The following PCBP3 variants were observed in gnomAD, a reference collection of about 807,000 sequenced individuals.
PCBP3 encodes poly(rC) binding protein 3, also known as poly(rC)-binding protein 3.
PCBP3 carries 25 observed loss-of-function variants against 52.7 expected under a neutral mutation model. That is an observed-to-expected ratio of 0.47 (90% confidence interval 0.35 to 0.66). The LOEUF (loss-of-function observed/expected upper bound fraction) is 0.66, where lower values mean the gene tolerates loss of function less well. Ranked by LOEUF, PCBP3 falls within the 30% of genes least tolerant of loss-of-function variation. PCBP3 has a pLI of 0.01. For synonymous variants in PCBP3, 162 were observed against 183.0 expected, an observed-to-expected ratio of 0.89 and a Z score of 0.93; for missense variants, 391 against 490.3, an observed-to-expected ratio of 0.80 and a Z score of 1.91.
chr21:45,658,054 C>A (rs903883527), intron 1 of PCBP3, among the ~76,000 whole-genome samples: 1 of 152,110 alleles, frequency 6.6e-6, no homozygotes, highest in Non-Finnish European at 1.5e-5. Context: ...TTTATAGATG[C>A]CCTTAATTAG....
rs538007963 is a variant in PCBP3 at position 45,806,791 on chromosome 21, C to T, written c.-125-43170C>T. 6.6e-4 allele frequency among the ~76,000 whole-genome samples: 101 copies of T among 152,204 alleles called. No individual in the cohort carries two copies. In the Middle Eastern group the frequency reaches 0.01, roughly 15 times the overall value. ...GGAGCAGCCTGCATTCAGAATTCCA[C>T]TTCTGGTCCCCTCACCCAGAGCACT... On this transcript the variant is annotated intron_variant, in intron 4 of 17. Coordinates refer to ENST00000681687, the MANE Select transcript of PCBP3 (RefSeq NM_001384156.1).
chr21:45,856,589 G>GCC (rs199704582), intron 5 of PCBP3, among the ~76,000 whole-genome samples: 3 of 151,492 alleles, frequency 2.0e-5, no homozygotes, highest in African/African-American at 7.3e-5. Context: ...TGTGTGGCAC[G>GCC]CCCCCCCCAC....
chr21:45,937,814 G>A (rs1288078822), intron 16 of PCBP3, among the ~76,000 whole-genome samples: 7 of 152,174 alleles, frequency 4.6e-5, no homozygotes, highest in East Asian at 1.9e-4. Flanking sequence ...AAGGAGGTCC[G>A]ACCTCCCCAC....
chr21:45,714,235 A>T (rs931354948), intron 2 of PCBP3, among the ~76,000 whole-genome samples: 10 of 152,120 alleles, frequency 6.6e-5, no homozygotes, highest in African/African-American at 2.4e-4. Flanking sequence ...TCAACTCCAG[A>T]CTAATTTGTC....
At chr21:45,933,065 A>C (rs1157900273) in intron 15 of PCBP3, among the ~76,000 whole-genome samples, 1 of 152,054 alleles carries the variant, frequency 6.6e-6, no homozygotes, top group Non-Finnish European at 1.5e-5. Flanking sequence ...ATGAATGAAC[A>C]CATCGGCCAC....
At chr21:45,668,723 CA>C (rs1337939124) in intron 1 of PCBP3, among the ~76,000 whole-genome samples, 150 bp from the exon 2 acceptor site, 2 of 152,026 alleles carry the variant, frequency 1.3e-5, no homozygotes, top group African/African-American at 2.4e-5. Flanking sequence ...TTGATTTGGC[CA>C]ATTTTTGGCA....
At chr21:45,742,160 T>G (rs571982502) in intron 3 of PCBP3, among the ~76,000 whole-genome samples, 6 of 152,344 alleles carry the variant, frequency 3.9e-5, no homozygotes, top group Admixed American at 6.5e-5. Flanking sequence ...AACACCCTTG[T>G]GCATAAATCC....
In PCBP3 at chr21:45,849,989, C is replaced by A; in HGVS notation, c.-97C>A. On this transcript the variant is annotated 5_prime_UTR_variant, in exon 5 of 18. Transcript: ENST00000681687. ...GGTAGGCTCCACGACAAAAGTCAAC[C>A]CTTCTGTAAATCACCTGCTGTGGTT... is the stretch of plus-strand genomic sequence containing the variant. 1 of 1,188,566 alleles carries A rather than the reference C, an allele frequency of 8.4e-7. No homozygotes were observed. Among genetic ancestry groups the A allele is most frequent in the Non-Finnish European group, 1.2e-6 (1 of 815,888 alleles). The allele number at this position is 1,188,566 out of a possible 1,614,324, so 73.6% of individuals were successfully genotyped here.
intron 9 of PCBP3, among the ~76,000 whole-genome samples, chr21:45,902,718 T>G (rs1362548215): frequency 6.6e-6 from 1 of 152,200 alleles, no homozygotes; most frequent in Non-Finnish European, 1.5e-5. Flanking sequence ...AGCCGCTCCT[T>G]AGGGTGCTGG....
chr21:45,673,958 G>C (rs1410774868), intron 2 of PCBP3, among the ~76,000 whole-genome samples: 6 of 152,174 alleles, frequency 3.9e-5, no homozygotes, highest in African/African-American at 1.4e-4. Flanking sequence ...TGGTGACACA[G>C]AGAGTCCAAT....
intron 5 of PCBP3, among the ~76,000 whole-genome samples, chr21:45,877,279 G>C (rs935721627): frequency 7.2e-5 from 11 of 152,340 alleles, no homozygotes; most frequent in African/African-American, 2.2e-4. Flanking sequence ...GTAAAACGGA[G>C]GAAGAGCTCG....
intron 3 of PCBP3, among the ~76,000 whole-genome samples, chr21:45,746,852 G>T (rs9975208): frequency 2.2e-4 from 8 of 36,558 alleles, no homozygotes; most frequent in Admixed American, 2.7e-4. Flanking sequence ...CTGACGTAGC[G>T]CACACGGTGT....
In PCBP3 at chr21:45,795,821, G is replaced by C. The variant is rs73378582; in HGVS notation, c.-126+40369G>C. Among the ~76,000 whole-genome samples, 741 of 152,302 alleles carry C rather than the reference G, an allele frequency of 4.9e-3. 7 individuals are homozygous for C. The highest frequency in any genetic ancestry group is 0.016 in the African/African-American group (680 of 41,566). ...AATCAATAAAATACTTAAACTGTTA[G>C]CCACTTCGATCAAGAAAGAGAAGGT... On this transcript the variant is annotated intron_variant, in intron 4 of 17. Coordinates refer to ENST00000681687, the MANE Select transcript of PCBP3 (RefSeq NM_001384156.1).
chr21:45,687,464 G>A (rs776247924), intron 2 of PCBP3, among the ~76,000 whole-genome samples: 22 of 151,698 alleles, frequency 1.5e-4, no homozygotes, highest in Non-Finnish European at 2.5e-4. Flanking sequence ...TGCCAAAAGA[G>A]AAAGAACTAA....
At chr21:45,818,085 C>T (rs956439801) in intron 4 of PCBP3, among the ~76,000 whole-genome samples, 1 of 152,012 alleles carries the variant, frequency 6.6e-6, no homozygotes, top group South Asian at 2.1e-4. Context: ...TGCAGTGGTG[C>T]GATCTTGGCT....
At chr21:45,900,869 T>A (rs2096016198) in intron 8 of PCBP3, 128 bp from the exon 9 acceptor site, 13 of 741,332 alleles carry the variant, frequency 1.8e-5, no homozygotes, top group Non-Finnish European at 3.2e-5. Context: ...CATTTTACTG[T>A]TCATTCATGG....
At chr21:45,707,782 G>A (rs2083551175) in intron 2 of PCBP3, among the ~76,000 whole-genome samples, 1 of 152,200 alleles carries the variant, frequency 6.6e-6, no homozygotes, top group Admixed American at 6.5e-5. Flanking sequence ...GCCTGAACTT[G>A]GACTCCTGGG....
chr21:45,807,881 G>A (rs906671219), intron 4 of PCBP3, among the ~76,000 whole-genome samples: 4 of 152,064 alleles, frequency 2.6e-5, no homozygotes, highest in African/African-American at 4.8e-5. Context: ...AGAGGCCTCC[G>A]ATATAATGCC....
chr21:45,761,392 C>G (rs1267438424), intron 4 of PCBP3: 1 of 152,102 alleles, frequency 6.6e-6, no homozygotes, highest in South Asian at 2.1e-4. Context: ...GCTTCATCTT[C>G]TCACTGTCTC....
Sources: allele counts gnomAD v4.1 joint callset (sites outside exome capture counted in the v4.1 genomes callset), GRCh38; gene constraint gnomAD v4.1.1; transcripts MANE v1.5; gene names NCBI Gene and HGNC (gene_info 2026-07-23, HGNC 2026-07-21).